The following ZBED6 variants were observed in gnomAD, a reference collection of about 807,000 sequenced individuals.
ZBED6 encodes the protein zinc finger BED-type containing 6, also known as zinc finger BED domain-containing protein 6.
ZBED6 carries 40 observed loss-of-function variants against 58.4 expected under a neutral mutation model. The observed-to-expected ratio is 0.68, with a 90% CI of 0.53 to 0.89. The LOEUF (loss-of-function observed/expected upper bound fraction) is 0.89. Ranked by LOEUF, ZBED6 falls within the 40% of genes least tolerant of loss-of-function variation. The probability of loss-of-function intolerance (pLI) is 0.00; values close to 1 mark genes in which losing one functional copy is unlikely to be tolerated. For synonymous variants in ZBED6, 439 were observed against 350.6 expected (o/e 1.25, Z -2.82); for missense variants, 1,057 against 1,003.9 (o/e 1.05, Z -0.71).
Position 203,796,636 on chromosome 1 carries a change from AT to A in ZBED6, c.-886del, listed in dbSNP as rs1346754490. On this transcript the variant is annotated 5_prime_UTR_variant, in exon 1 of 17. An upstream open reading frame in the 5' UTR gains an earlier in-frame stop. Coordinates refer to ENST00000550078, the Ensembl canonical transcript of ZBED6. Reference sequence around the variant, plus strand: ...TGTAGGTATTGGGGGAAGGGGAGGGATCAATCGAAAAATGGAAGTGGTTTAA... The same window carrying A: ...TGTAGGTATTGGGGGAAGGGGAGGGACAATCGAAAAATGGAAGTGGTTTAA... The A allele has an allele frequency of 7.6e-6, 3 of 395,048 alleles. No individual in the cohort carries two copies. The highest frequency in any genetic ancestry group is 1.3e-5 in the Non-Finnish European group (3 of 224,358). The allele number at this position is 395,048 out of a possible 1,614,324, so 24.5% of individuals were successfully genotyped here. A position where few individuals can be genotyped will look rare whatever the true frequency, so the allele number is the denominator to read the frequency against.
At chr1:203,817,212 A>G (rs1286327640) in intron 2 of ZBED6, 88 bp downstream of exon 2, 2 of 1,116,296 alleles carry the variant, frequency 1.8e-6, no homozygotes, top group Admixed American at 2.8e-5. Flanking sequence ...AGTTGTTTTT[A>G]TTATATATAT....
chr1:203,847,417 A>C (rs751901625), exon 12 of ZBED6: 1 of 1,614,010 alleles, frequency 6.2e-7, no homozygotes, highest in East Asian at 2.2e-5. Flanking sequence ...ACAAAAAAGC[A>C]AAAAGGATAC....
chr1:203,832,263 G>A (rs1682626388), intron 8 of ZBED6, among the ~76,000 whole-genome samples: 1 of 151,904 alleles, frequency 6.6e-6, no homozygotes, highest in South Asian at 2.1e-4. Flanking sequence ...GTTTCTCCAT[G>A]TTGGTCTGGC....
rs750473474 is a variant in ZBED6, at chr1:203,849,958, C to T, written c.*4570C>T. ...TCATCCCAGAAGGTGGAGGTAGAAACCTCAGGGATTGGAGACTCATTATTG... is the reference window on the plus strand; with the variant it reads ...TCATCCCAGAAGGTGGAGGTAGAAATCTCAGGGATTGGAGACTCATTATTG... On this transcript the variant is annotated 3_prime_UTR_variant, in exon 14 of 17. Coordinates refer to ENST00000550078, the Ensembl canonical transcript of ZBED6. 5 of 1,613,914 alleles carry T rather than the reference C, an allele frequency of 3.1e-6. No homozygotes were observed. The African/African-American group carries it at 6.7e-5, about 22-fold the overall frequency.
intron 3 of ZBED6, among the ~76,000 whole-genome samples, chr1:203,819,525 TC>T (rs143717309): frequency 0.14 from 17,141 of 120,442 alleles, 1,343 homozygotes; most frequent in East Asian, 0.32. Flanking sequence ...CCCAGCTGAC[TC>T]CAATTTTTTT....
intron 1 of ZBED6, among the ~76,000 whole-genome samples, chr1:203,815,577 CT>C (rs901260851): frequency 2.9e-4 from 44 of 152,102 alleles, no homozygotes; most frequent in African/African-American, 1.1e-3. Context: ...ACCTTTAATA[CT>C]TTTACATATT....
chr1:203,805,815 A>G (rs2102516794), intron 1 of ZBED6: 1 of 857,378 alleles, frequency 1.2e-6, no homozygotes, highest in South Asian at 1.3e-5. Flanking sequence ...CTGGGCCGCC[A>G]TAACTGCGAC....
At chr1:203,807,047 T>A (rs1302773526) in intron 1 of ZBED6, among the ~76,000 whole-genome samples, 4 of 152,020 alleles carry the variant, frequency 2.6e-5, no homozygotes, top group Non-Finnish European at 5.9e-5. Context: ...GTGTTATTTA[T>A]TTTATTTCAA....
intron 13 of ZBED6, 109 bp from the exon 14 acceptor site, chr1:203,849,602 T>A: frequency 9.6e-7 from 1 of 1,047,034 alleles, no homozygotes; most frequent in East Asian, 2.4e-5. Flanking sequence ...TTCTCTCAGA[T>A]TCTGGATCAT....
intron 16 of ZBED6, among the ~76,000 whole-genome samples, 188 bp from the exon 17 acceptor site, chr1:203,851,953 A>AGG (rs1210901994): frequency 2.8e-5 from 4 of 144,006 alleles, no homozygotes; most frequent in Non-Finnish European, 6.1e-5. Flanking sequence ...TGGGTGACAA[A>AGG]GGGAGACTCT....
chr1:203,842,902 A>G (rs550329760), intron 11 of ZBED6, among the ~76,000 whole-genome samples: 1 of 143,136 alleles, frequency 7.0e-6, no homozygotes, highest in African/African-American at 2.6e-5. Context: ...TAAAATGAAC[A>G]TCCATGTATT....
intron 3 of ZBED6, 141 bp downstream of exon 3, chr1:203,818,830 G>C (rs574278238): frequency 2.3e-6 from 3 of 1,329,736 alleles, no homozygotes. Context: ...AGCACTTTGG[G>C]AGGCTGAGGC....
At chr1:203,797,771 A>G in exon 1 of ZBED6, 3 of 1,535,808 alleles carry the variant, frequency 2.0e-6, no homozygotes, top group Non-Finnish European at 2.6e-6. Flanking sequence ...TTCTTGCCAA[A>G]AAGTTTAGTA....
chr1:203,841,638 C>A (rs1039940516), intron 11 of ZBED6, among the ~76,000 whole-genome samples: 9 of 152,244 alleles, frequency 5.9e-5, no homozygotes, highest in Non-Finnish European at 1.2e-4. Context: ...CCGCCTTTGT[C>A]ATCATGGCCC....
exon 1 of ZBED6, chr1:203,796,317 T>C: frequency 2.5e-6 from 1 of 398,116 alleles, no homozygotes; most frequent in Non-Finnish European, 4.4e-6. Context: ...GGAGCTTGTC[T>C]CAAACTCCAC....
intron 3 of ZBED6, among the ~76,000 whole-genome samples, chr1:203,820,468 A>ATGTGTGTGTGTGTGTG (rs71145033): frequency 6.0e-5 from 9 of 150,384 alleles, no homozygotes; most frequent in African/African-American, 2.2e-4. Flanking sequence ...ATCACAAATT[A>ATGTGTGTGTGTGTGTG]TGTGTGTGTG....
rs33926996 is a variant in ZBED6, at chr1:203,809,172, GTT to G, written c.*2554+6176_*2554+6177del. Among the ~76,000 whole-genome samples the G allele has an allele frequency of 3.4e-4, 28 of 83,258 alleles. No individual in the cohort carries two copies. The South Asian group carries it at 5.8e-3, about 17-fold the overall frequency. The allele number at this position is 83,258 out of a possible 152,430, so 54.6% of individuals were successfully genotyped here. On this transcript the variant is annotated intron_variant, in intron 1 of 16. Coordinates refer to ENST00000550078, the Ensembl canonical transcript of ZBED6. ...TTTGAAGCTTTGTTTTCTTCTCACT[GTT>G]TTTTTTTTTTTTTTTTTTTGAGATG...
intron 9 of ZBED6, among the ~76,000 whole-genome samples, chr1:203,837,340 A>G (rs922380498): frequency 6.6e-6 from 1 of 150,508 alleles, no homozygotes; most frequent in Non-Finnish European, 1.5e-5. Context: ...TCACATTTCT[A>G]ATTCTGAACT....
At chr1:203,852,109 G>T in intron 16 of ZBED6, 32 bp from the exon 17 acceptor site, 1 of 1,611,496 alleles carries the variant, frequency 6.2e-7, no homozygotes, top group Middle Eastern at 1.7e-4. Context: ...TTTTAAAACG[G>T]CAGTTTTCTA....
Sources: allele counts gnomAD v4.1 joint callset (sites outside exome capture counted in the v4.1 genomes callset), GRCh38; gene constraint gnomAD v4.1.1; transcripts MANE v1.5; gene names NCBI Gene and HGNC (gene_info 2026-07-23, HGNC 2026-07-21).